CRK: variants seen among roughly 807,000 people sequenced by gnomAD.
The protein encoded by CRK is adapter molecule crk.
CRK carries 4 observed loss-of-function variants against 29.8 expected under a neutral mutation model. That is an observed-to-expected ratio of 0.13 (90% CI 0.07 to 0.31). The LOEUF is 0.31. Ranked by LOEUF, CRK falls within the 10% of genes least tolerant of loss-of-function variation. The probability of loss-of-function intolerance (pLI) is 1.00; values close to 1 mark genes in which losing one functional copy is unlikely to be tolerated. For missense variants in CRK, 274 were observed against 396.5 expected (o/e 0.69, Z 2.62); for synonymous variants, 153 against 164.9 (o/e 0.93, Z 0.55).
At position 1,446,101 on chromosome 17, in the gene CRK, A is replaced by G. The variant is rs141995289; in HGVS notation, c.242-8946T>C. On this transcript the variant is annotated intron_variant, in intron 1 of 2. Coordinates refer to ENST00000300574, the MANE Select transcript of CRK (RefSeq NM_016823.4). The stretch of plus-strand genomic sequence containing the variant: ...ATAAGCCTAACTCTGAAGTGATGGA[A>G]AGAAGCTAAGCACAATGCCTTCCTA... 4.1e-3 allele frequency among the ~76,000 whole-genome samples: 630 copies of G among 152,248 alleles called. 11 individuals are homozygous for G. The highest frequency in any genetic ancestry group is 0.015 in the African/African-American group (608 of 41,558).
At chr17:1,447,215 A>G (rs2073982315) in intron 1 of CRK, among the ~76,000 whole-genome samples, 1 of 152,140 alleles carries the variant, frequency 6.6e-6, no homozygotes, top group African/African-American at 2.4e-5. Context: ...AAGGGCGGGA[A>G]AGGAAGGAGG....
intron 1 of CRK, among the ~76,000 whole-genome samples, chr17:1,441,907 G>C (rs527897555): frequency 1.3e-5 from 2 of 152,210 alleles, no homozygotes; most frequent in African/African-American, 2.4e-5. Flanking sequence ...CCAGGCTGGA[G>C]TGCAGTGGCA....
rs1199729731 is a variant in CRK, at chr17:1,421,523, C to T, written c.*1990G>A. The T allele has an allele frequency of 2.0e-5, 3 of 152,200 alleles. No homozygotes were observed. The highest frequency in any genetic ancestry group is 2.9e-5 in the Non-Finnish European group (2 of 68,042). 9.4% of individuals were successfully genotyped at this position (152,200 alleles called of 1,614,324 possible). On this transcript the variant is annotated 3_prime_UTR_variant, in exon 3 of 3. Coordinates refer to ENST00000300574, the MANE Select transcript of CRK (RefSeq NM_016823.4). ...TGCATAGCACTGGGCTACCATTTTA[C>T]AAGTTGAGTTTAACGTCTTTATCAA... is the stretch of plus-strand genomic sequence containing the variant.
chr17:1,444,748 G>A (rs368962617), intron 1 of CRK, among the ~76,000 whole-genome samples: 71 of 151,138 alleles, frequency 4.7e-4, no homozygotes, highest in African/African-American at 1.6e-3. Flanking sequence ...CAGGAGAATC[G>A]CTGGAACCCG....
chr17:1,453,466 G>A (rs1254655246), intron 1 of CRK, among the ~76,000 whole-genome samples: 5 of 152,158 alleles, frequency 3.3e-5, no homozygotes, highest in Non-Finnish European at 7.3e-5. Flanking sequence ...CAGATACTAT[G>A]CAGGTGGCAT....
At chr17:1,438,376 G>T (rs533037823) in intron 1 of CRK, among the ~76,000 whole-genome samples, 20 of 151,928 alleles carry the variant, frequency 1.3e-4, no homozygotes, top group African/African-American at 4.6e-4. Flanking sequence ...GCAATCCTTC[G>T]GCCTCAACCT....
In CRK at chr17:1,422,127, A is replaced by G. The variant is rs1174562039; in HGVS notation, c.*1386T>C. ...ATGAGAAATGAATAATACATAAGTA[A>G]TTCACAATTGGTTCAACATTTTTTT... On this transcript the variant is annotated 3_prime_UTR_variant, in exon 3 of 3. Coordinates refer to ENST00000300574, the MANE Select transcript of CRK (RefSeq NM_016823.4). The G allele has an allele frequency of 6.6e-6, 1 of 151,602 alleles. No homozygotes were observed. Among genetic ancestry groups the G allele is most frequent in the African/African-American group, 2.4e-5 (1 of 41,298 alleles). 9.4% of individuals were successfully genotyped at this position (151,602 alleles called of 1,614,324 possible).
chr17:1,446,276 G>C (rs2073974026), intron 1 of CRK, among the ~76,000 whole-genome samples: 1 of 152,128 alleles, frequency 6.6e-6, no homozygotes, highest in South Asian at 2.1e-4. Context: ...TCCTGCTAAA[G>C]ACAGTTGGAA....
chr17:1,439,019 A>G (rs1195964158), intron 1 of CRK, among the ~76,000 whole-genome samples: 1 of 150,588 alleles, frequency 6.6e-6, no homozygotes, highest in Non-Finnish European at 1.5e-5. Context: ...TTTTTTGTAG[A>G]GATGGGGTTT....
rs940924637 is a variant in CRK, at chr17:1,420,776, C to T, written c.*2737G>A. On this transcript the variant is annotated 3_prime_UTR_variant, in exon 3 of 3. Transcript: ENST00000300574. The stretch of plus-strand genomic sequence containing the variant: ...CTATAAACATATACAATACATGCTA[C>T]CAAAAAAAATTTTTTTTTAAATTTA... The T allele has an allele frequency of 1.8e-4, 28 of 151,886 alleles. No homozygotes were observed. Among genetic ancestry groups the T allele is most frequent in the African/African-American group, 5.8e-4 (24 of 41,346 alleles). The allele number at this position is 151,886 out of a possible 1,614,324, so 9.4% of individuals were successfully genotyped here.
chr17:1,425,180 C>T (rs1183930594), intron 2 of CRK, among the ~76,000 whole-genome samples: 1 of 151,812 alleles, frequency 6.6e-6, no homozygotes, highest in Non-Finnish European at 1.5e-5. Context: ...AGCTCTGCCT[C>T]CCGGGTTCAC....
rs761373420 is a variant in CRK at position 1,423,664 on chromosome 17, A to G, written c.778-14T>C. The G allele has an allele frequency of 1.2e-6, 2 of 1,613,542 alleles. No homozygotes were observed. Among genetic ancestry groups the G allele is most frequent in the South Asian group, 1.1e-5 (1 of 90,984 alleles). On this transcript the variant is annotated splice_polypyrimidine_tract_variant and intron_variant, in intron 2 of 2. Coordinates refer to ENST00000300574, the MANE Select transcript of CRK (RefSeq NM_016823.4). ...CAGCTCACCGACCTGCAGGAGGAGA[A>G]TAAGGAGAGCACTTTATTTCCAGGT...
intron 2 of CRK, among the ~76,000 whole-genome samples, chr17:1,430,649 G>C (rs753296020): frequency 6.6e-6 from 1 of 151,356 alleles, no homozygotes; most frequent in Non-Finnish European, 1.5e-5. Context: ...ACAGGCGTGA[G>C]CCACCACACC....
chr17:1,434,506 G>A (rs1012554323), intron 2 of CRK, among the ~76,000 whole-genome samples: 4 of 152,178 alleles, frequency 2.6e-5, no homozygotes, highest in African/African-American at 7.2e-5. Flanking sequence ...AAATTGGCCA[G>A]GCACGACAGC....
chr17:1,436,610 C>A lies in CRK; in HGVS notation c.777+10G>T. On this transcript the variant is annotated intron_variant, in intron 2 of 2. Coordinates refer to ENST00000300574, the MANE Select transcript of CRK (RefSeq NM_016823.4). Reference sequence around the variant, plus strand: ...AGATCTCTTCTTTCTACATTGTGCACGTTATGTACCTCCAAAGCCAAGGCT... The same window carrying A: ...AGATCTCTTCTTTCTACATTGTGCAAGTTATGTACCTCCAAAGCCAAGGCT... The A allele has an allele frequency of 2.5e-6, 4 of 1,590,078 alleles. No homozygotes were observed. Among genetic ancestry groups the A allele is most frequent in the Non-Finnish European group, 3.4e-6 (4 of 1,170,704 alleles).
At position 1,421,201 on chromosome 17, in the gene CRK, G is replaced by C. The variant is rs2073721116; in HGVS notation, c.*2312C>G. On this transcript the variant is annotated 3_prime_UTR_variant, in exon 3 of 3. Transcript: ENST00000300574. ...GAACGGCCCTGGATCACTGATCACT[G>C]AGGAATCCTTAGGACTTGAGTAGCG... is the stretch of plus-strand genomic sequence containing the variant. 6.6e-6 allele frequency: 1 copy of C among 152,174 alleles called. No homozygotes were observed. Among genetic ancestry groups the C allele is most frequent in the Admixed American group, 6.6e-5 (1 of 15,254 alleles). 9.4% of individuals were successfully genotyped at this position (152,174 alleles called of 1,614,324 possible).
At chr17:1,432,837 A>G (rs2073857183) in intron 2 of CRK, among the ~76,000 whole-genome samples, 1 of 152,178 alleles carries the variant, frequency 6.6e-6, no homozygotes, top group African/African-American at 2.4e-5. Flanking sequence ...ATTTAAACAG[A>G]GTTTGCTATC....
chr17:1,439,442 C>T (rs1302615727), intron 1 of CRK, among the ~76,000 whole-genome samples: 1 of 152,072 alleles, frequency 6.6e-6, no homozygotes, highest in African/African-American at 2.4e-5. Context: ...AACTCCCACT[C>T]GGCTAAGCAC....
intron 1 of CRK, among the ~76,000 whole-genome samples, chr17:1,454,639 C>T (rs2074042647): frequency 6.6e-6 from 1 of 152,162 alleles, no homozygotes. Flanking sequence ...CTACAAAGGA[C>T]GGCTCAAGAG....
Sources: allele counts gnomAD v4.1 joint callset (sites outside exome capture counted in the v4.1 genomes callset), GRCh38; gene constraint gnomAD v4.1.1; transcripts MANE v1.5; gene names NCBI Gene and HGNC (gene_info 2026-07-23, HGNC 2026-07-21).